CHST11: variants seen among roughly 807,000 people sequenced by gnomAD.
CHST11 encodes carbohydrate sulfotransferase 11.
CHST11 carries 9 observed loss-of-function variants against 30.4 expected under a neutral mutation model. The observed-to-expected ratio is 0.30, with a 90% CI of 0.18 to 0.52. The LOEUF is 0.52. Among genes scored for constraint, CHST11 ranks in the 20% least tolerant of loss-of-function variants. The pLI is 0.97. For synonymous variants in CHST11, 152 were observed against 187.8 expected (o/e 0.81, Z 1.56); for missense variants, 348 against 460.6 (o/e 0.76, Z 2.24).
chr12:104,467,241 G>T (rs1040676743), intron 1 of CHST11, among the ~76,000 whole-genome samples: 5 of 152,190 alleles, frequency 3.3e-5, no homozygotes, highest in Admixed American at 2.6e-4. Flanking sequence ...GATATGACAG[G>T]TTAGATGGAG....
chr12:104,744,523 G>A (rs533159918), intron 2 of CHST11, among the ~76,000 whole-genome samples: 13 of 152,252 alleles, frequency 8.5e-5, no homozygotes, highest in East Asian at 3.9e-4. Flanking sequence ...TGCATAGTTC[G>A]TAAAAATTTC....
At chr12:104,466,292 TAAAC>T (rs1380124508) in intron 1 of CHST11, among the ~76,000 whole-genome samples, 1 of 152,082 alleles carries the variant, frequency 6.6e-6, no homozygotes, top group Non-Finnish European at 1.5e-5. Flanking sequence ...TAATAATTAA[TAAAC>T]AAACGTATGT....
chr12:104,537,354 T>C (rs189168709), intron 1 of CHST11, among the ~76,000 whole-genome samples: 2 of 152,322 alleles, frequency 1.3e-5, no homozygotes, highest in African/African-American at 4.8e-5. Flanking sequence ...AGCATTGACC[T>C]TGAGATACCC....
chr12:104,718,594 G>A (rs1221771329), intron 2 of CHST11, among the ~76,000 whole-genome samples: 1 of 152,190 alleles, frequency 6.6e-6, no homozygotes, highest in Non-Finnish European at 1.5e-5. Context: ...CCTGCCACCT[G>A]CAGTCCCTTT....
At chr12:104,637,635 C>T (rs1305098930) in intron 2 of CHST11, among the ~76,000 whole-genome samples, 1 of 152,158 alleles carries the variant, frequency 6.6e-6, no homozygotes. Context: ...ATGAGGGCCC[C>T]GCCACTAGCC....
intron 2 of CHST11, among the ~76,000 whole-genome samples, chr12:104,711,290 A>G (rs2040085738): frequency 6.6e-6 from 1 of 152,192 alleles, no homozygotes; most frequent in Admixed American, 6.5e-5. Context: ...TTCCTTTCAT[A>G]GGCAGTCCCT....
chr12:104,599,138 C>G (rs2038934265), intron 1 of CHST11, among the ~76,000 whole-genome samples: 1 of 152,228 alleles, frequency 6.6e-6, no homozygotes, highest in Non-Finnish European at 1.5e-5. Flanking sequence ...AAAAGGCACA[C>G]AAGGCCCCTT....
chr12:104,596,289 T>C (rs1219363138), intron 1 of CHST11, among the ~76,000 whole-genome samples: 2 of 152,214 alleles, frequency 1.3e-5, no homozygotes, highest in Admixed American at 1.3e-4. Context: ...CTCTGCACTC[T>C]CAGAGTGTGG....
At chr12:104,681,825 C>CTTTTTTTTTTTTTTTTTTTTT (rs149441295) in intron 2 of CHST11, among the ~76,000 whole-genome samples, 2 of 85,086 alleles carry the variant, frequency 2.4e-5, no homozygotes, top group Non-Finnish European at 4.2e-5. Context: ...GTCTGTTTTG[C>CTTTTTTTTTTTTTTTTTTTTT]TTTTTTTTTT....
At chr12:104,709,741 T>C (rs905462147) in intron 2 of CHST11, among the ~76,000 whole-genome samples, 4 of 151,982 alleles carry the variant, frequency 2.6e-5, no homozygotes, top group Admixed American at 2.0e-4. Context: ...AGCAGGTCAA[T>C]GGTTGCTTAG....
chr12:104,680,096 T>G (rs528903015), intron 2 of CHST11, among the ~76,000 whole-genome samples: 1 of 152,378 alleles, frequency 6.6e-6, no homozygotes, highest in East Asian at 1.9e-4. Flanking sequence ...GCAGGGGTTT[T>G]GGGCTAGGCC....
intron 1 of CHST11, among the ~76,000 whole-genome samples, chr12:104,477,409 G>T (rs1234828824): frequency 6.6e-6 from 1 of 152,178 alleles, no homozygotes; most frequent in Admixed American, 6.5e-5. Context: ...GCATCTGCGA[G>T]AAAAATTTCT....
At chr12:104,666,461 T>C (rs1452236229) in intron 2 of CHST11, among the ~76,000 whole-genome samples, 1 of 152,238 alleles carries the variant, frequency 6.6e-6, no homozygotes, top group Non-Finnish European at 1.5e-5. Flanking sequence ...AAGCAAGATT[T>C]TATTAAGATA....
intron 2 of CHST11, among the ~76,000 whole-genome samples, chr12:104,748,593 T>G: frequency 2.1e-5 from 3 of 143,760 alleles, no homozygotes; most frequent in Non-Finnish European, 4.6e-5. Flanking sequence ...GGGAGTGGAG[T>G]CGGGGGAGAG....
intron 2 of CHST11, among the ~76,000 whole-genome samples, chr12:104,614,959 C>T (rs965074014): frequency 7.2e-5 from 11 of 152,306 alleles, no homozygotes; most frequent in African/African-American, 1.4e-4. Context: ...CAAAGATGCA[C>T]GAAACCTGAG....
intron 2 of CHST11, among the ~76,000 whole-genome samples, chr12:104,744,057 AGTGAACACATGTGTGCAT>A (rs1025143954): frequency 6.6e-6 from 1 of 152,246 alleles, no homozygotes; most frequent in Non-Finnish European, 1.5e-5. Flanking sequence ...ACAGTGCTGC[AGTGAACACATGTGTGCAT>A]GTGTCTTTAT....
At chr12:104,661,766 C>G (rs1282316976) in intron 2 of CHST11, among the ~76,000 whole-genome samples, 3 of 152,132 alleles carry the variant, frequency 2.0e-5, no homozygotes, top group African/African-American at 7.2e-5. Flanking sequence ...GCCTGGTTTC[C>G]TAGCAGCCAC....
chr12:104,631,340 T>C (rs1302545520), intron 2 of CHST11, among the ~76,000 whole-genome samples: 1 of 152,244 alleles, frequency 6.6e-6, no homozygotes, highest in Non-Finnish European at 1.5e-5. Flanking sequence ...AGTCATTTTA[T>C]TGACGGTGGT....
chr12:104,613,050 C>T (rs1592793790), intron 2 of CHST11, among the ~76,000 whole-genome samples: 1 of 152,184 alleles, frequency 6.6e-6, no homozygotes, highest in East Asian at 1.9e-4. Context: ...TGGCAAAACC[C>T]TGTCTCTACA....
Sources: allele counts gnomAD v4.1 joint callset (sites outside exome capture counted in the v4.1 genomes callset), GRCh38; gene constraint gnomAD v4.1.1; transcripts MANE v1.5; gene names NCBI Gene and HGNC (gene_info 2026-07-23, HGNC 2026-07-21).